Variants in PDE4D observed in about 807,000 individuals in gnomAD.
The protein encoded by PDE4D is 3',5'-cyclic-AMP phosphodiesterase 4D.
Under a neutral mutation model 87.4 loss-of-function variants are expected in PDE4D, and 24 were observed. The ratio of observed to expected loss-of-function variants is 0.27; its 90% CI spans 0.20 to 0.39. The LOEUF is 0.39. PDE4D is among the 10% of genes least tolerant of loss of function. The pLI is 1.00. For synonymous variants in PDE4D, 384 were observed against 383.2 expected (o/e 1.00, Z -0.02); for missense variants, 714 against 1,041.0 (o/e 0.69, Z 4.32).
chr5:60,050,936 CAAAG>C (rs1157920657), intron 2 of PDE4D, among the ~76,000 whole-genome samples: 1 of 152,054 alleles, frequency 6.6e-6, no homozygotes, highest in Non-Finnish European at 1.5e-5. Context: ...CAAAAAAAGA[CAAAG>C]AAGGGCATTA....
rs185367302 is a variant in PDE4D at position 60,035,242 on chromosome 5, C to T, written c.43-46525G>A. Among the ~76,000 whole-genome samples the T allele has an allele frequency of 2.5e-3, 350 of 139,010 alleles. 1 individual carries two copies. Among genetic ancestry groups the T allele is most frequent in the Non-Finnish European group, 4.2e-3 (278 of 65,476 alleles). The allele number at this position is 139,010 out of a possible 152,430, so 91.2% of individuals were successfully genotyped here. On this transcript the variant is annotated intron_variant, in intron 2 of 16. Coordinates refer to the PDE4D transcript ENST00000502484. ...CTGCACACCAGCCTGGGCAACAGAGCGAGACTCCGTCTCAAAAAAAAAAAA... is the reference window on the plus strand; with the variant it reads ...CTGCACACCAGCCTGGGCAACAGAGTGAGACTCCGTCTCAAAAAAAAAAAA...
chr5:60,127,070 G>A (rs1476641871), intron 2 of PDE4D, among the ~76,000 whole-genome samples: 6 of 152,244 alleles, frequency 3.9e-5, no homozygotes, highest in Non-Finnish European at 8.8e-5. Context: ...AGGATGAGGA[G>A]GGATTCACTA....
chr5:60,421,774 T>C (rs1743124294), intron 1 of PDE4D, among the ~76,000 whole-genome samples: 1 of 152,052 alleles, frequency 6.6e-6, no homozygotes, highest in Non-Finnish European at 1.5e-5. Context: ...TCTAACCCAT[T>C]GAAGGAAGCT....
intron 1 of PDE4D, among the ~76,000 whole-genome samples, chr5:59,759,414 C>A (rs1356292288): frequency 1.3e-5 from 2 of 152,188 alleles, no homozygotes; most frequent in African/African-American, 4.8e-5. Context: ...CACATCTTTT[C>A]TCTTTAAGAT....
Position 58,975,652 on chromosome 5 carries a change from A to G in PDE4D, c.2013+5T>C. 6.3e-7 allele frequency: 1 copy of G among 1,586,624 alleles called. No individual in the cohort carries two copies. Among genetic ancestry groups the G allele is most frequent in the Non-Finnish European group, 8.6e-7 (1 of 1,165,660 alleles). Reference sequence around the variant, plus strand: ...TCTCTGAAAGCTATACACTTCATGCATTACCTGTGATTTTTCCACGGAAGC... The same window carrying G: ...TCTCTGAAAGCTATACACTTCATGCGTTACCTGTGATTTTTCCACGGAAGC... On this transcript the variant is annotated splice_donor_5th_base_variant and intron_variant, in intron 14 of 14. Coordinates refer to ENST00000340635, the MANE Select transcript of PDE4D (RefSeq NM_001104631.2). This position sits in a 1 kb window ranked among gnomAD's most constrained non-coding sequence, Gnocchi z 4.2.
intron 1 of PDE4D, among the ~76,000 whole-genome samples, chr5:59,466,223 AATT>A (rs1205055901): frequency 6.6e-6 from 1 of 152,186 alleles, no homozygotes; most frequent in African/African-American, 2.4e-5. Flanking sequence ...GTACAATTAG[AATT>A]ATTAAGAATT....
At chr5:59,233,240 G>A (rs539740388) in intron 1 of PDE4D, among the ~76,000 whole-genome samples, 10 of 152,106 alleles carry the variant, frequency 6.6e-5, no homozygotes, top group Middle Eastern at 6.8e-3. Context: ...ATTTGTCTCG[G>A]TCATTATACA....
intron 3 of PDE4D, among the ~76,000 whole-genome samples, chr5:59,909,272 G>GAAGACCA (rs1753177923): frequency 6.6e-6 from 1 of 152,106 alleles, no homozygotes; most frequent in Admixed American, 6.5e-5. Flanking sequence ...AATGTGGCCT[G>GAAGACCA]AAGACCACTT....
At chr5:60,244,717 T>C (rs932864486) in intron 1 of PDE4D, among the ~76,000 whole-genome samples, 1 of 152,032 alleles carries the variant, frequency 6.6e-6, no homozygotes, top group African/African-American at 2.4e-5. Flanking sequence ...ATTTCTTCTA[T>C]AAATGGTGCT....
intron 1 of PDE4D, among the ~76,000 whole-genome samples, chr5:59,743,976 G>A (rs140940160): frequency 1.2e-4 from 19 of 152,172 alleles, no homozygotes; most frequent in African/African-American, 4.1e-4. Context: ...GATACAGATC[G>A]ATAATAGATC....
At chr5:60,403,910 G>T (rs773610970) in intron 1 of PDE4D, among the ~76,000 whole-genome samples, 3 of 152,172 alleles carry the variant, frequency 2.0e-5, no homozygotes, top group Admixed American at 6.5e-5. Context: ...AGGACAAACT[G>T]TTTCATAAAA....
intron 3 of PDE4D, among the ~76,000 whole-genome samples, chr5:59,981,812 T>C (rs887229473): frequency 4.6e-5 from 7 of 152,226 alleles, no homozygotes; most frequent in African/African-American, 1.7e-4. Context: ...AGGCCAAATT[T>C]GAAAGATCAG....
intron 6 of PDE4D, among the ~76,000 whole-genome samples, chr5:59,035,661 T>C (rs1404882794): frequency 6.6e-6 from 1 of 152,244 alleles, no homozygotes; most frequent in Non-Finnish European, 1.5e-5. Flanking sequence ...GTGCCCATTG[T>C]ATGCTAAGGA....
At chr5:59,493,830 G>A (rs1316909369) in intron 1 of PDE4D, among the ~76,000 whole-genome samples, 2 of 152,124 alleles carry the variant, frequency 1.3e-5, no homozygotes, top group East Asian at 1.9e-4. Context: ...GTTTAAGTTC[G>A]ATTCATGAAG....
intron 1 of PDE4D, among the ~76,000 whole-genome samples, chr5:60,283,589 T>G (rs1366713417): frequency 6.6e-6 from 1 of 152,204 alleles, no homozygotes; most frequent in Non-Finnish European, 1.5e-5. Flanking sequence ...AGAAGCAGAT[T>G]GTACTAATTA....
chr5:60,074,422 T>C (rs894724259), intron 2 of PDE4D, among the ~76,000 whole-genome samples: 1 of 152,160 alleles, frequency 6.6e-6, no homozygotes, highest in Non-Finnish European at 1.5e-5. Context: ...TTGTCTAAAG[T>C]CTGATTATGT....
chr5:59,947,527 T>C (rs1299740106), intron 3 of PDE4D, among the ~76,000 whole-genome samples: 1 of 152,204 alleles, frequency 6.6e-6, no homozygotes, highest in Non-Finnish European at 1.5e-5. Flanking sequence ...TGCTCCCTTG[T>C]CTAGATGTTT....
intron 1 of PDE4D, among the ~76,000 whole-genome samples, chr5:60,369,738 C>T (rs1450612527): frequency 1.3e-5 from 2 of 152,036 alleles, no homozygotes; most frequent in Non-Finnish European, 2.9e-5. Context: ...AAAGCCACAC[C>T]CCAGAACAAG....
chr5:59,534,286 A>G (rs1814748148), intron 1 of PDE4D, among the ~76,000 whole-genome samples: 3 of 152,338 alleles, frequency 2.0e-5, no homozygotes, highest in South Asian at 4.1e-4. Flanking sequence ...GATTTTTTAA[A>G]TCCAGAGTCT....
Sources: allele counts gnomAD v4.1 joint callset (sites outside exome capture counted in the v4.1 genomes callset), GRCh38; gene constraint gnomAD v4.1.1; non-coding constraint Gnocchi (gnomAD v3.1); transcripts MANE v1.5; gene names NCBI Gene and HGNC (gene_info 2026-07-23, HGNC 2026-07-21).